Variants in NUBPL observed in about 807,000 individuals in gnomAD.
The protein encoded by NUBPL is iron-sulfur cluster transfer protein NUBPL.
A neutral mutation model predicts 45.7 loss-of-function variants in NUBPL; 31 were observed. The observed-to-expected ratio is 0.68, with a 90% CI of 0.51 to 0.92. NUBPL has a LOEUF of 0.92. Ranked by LOEUF, NUBPL falls within the 40% of genes least tolerant of loss-of-function variation. NUBPL has a pLI of 0.00. For synonymous variants in NUBPL, 144 were observed against 140.9 expected, an observed-to-expected ratio of 1.02 and a Z score of -0.15; for missense variants, 401 against 398.7, an observed-to-expected ratio of 1.01 and a Z score of -0.05.
At chr14:31,651,755 C>T (rs1396481451) in intron 4 of NUBPL, among the ~76,000 whole-genome samples, 2 of 151,758 alleles carry the variant, frequency 1.3e-5, no homozygotes, top group African/African-American at 4.8e-5. Context: ...AAAAATTAGC[C>T]AGGTGTGGTG....
intron 6 of NUBPL, among the ~76,000 whole-genome samples, chr14:31,711,173 C>T (rs560045451): frequency 8.5e-5 from 13 of 152,236 alleles, no homozygotes; most frequent in African/African-American, 4.8e-5. Flanking sequence ...ACTTGTTGTT[C>T]GGACCCCGGA....
chr14:31,768,135 A>T (rs1161157760), intron 6 of NUBPL, among the ~76,000 whole-genome samples: 2 of 152,142 alleles, frequency 1.3e-5, no homozygotes, highest in Non-Finnish European at 2.9e-5. Context: ...TATTTTGGAG[A>T]CCCATCTTTT....
chr14:31,855,913 G>A (rs147302739), intron 10 of NUBPL, among the ~76,000 whole-genome samples: 84 of 152,148 alleles, frequency 5.5e-4, no homozygotes, highest in East Asian at 3.9e-3. Flanking sequence ...CTGTAAAGTC[G>A]GGATAATGAT....
At chr14:31,649,178 A>T (rs2035936283) in intron 4 of NUBPL, among the ~76,000 whole-genome samples, 1 of 152,192 alleles carries the variant, frequency 6.6e-6, no homozygotes, top group Non-Finnish European at 1.5e-5. Context: ...GATGTAAAAT[A>T]ATTTGGTTAA....
intron 6 of NUBPL, among the ~76,000 whole-genome samples, chr14:31,766,535 T>C (rs1365410966): frequency 1.3e-5 from 2 of 152,198 alleles, no homozygotes; most frequent in Non-Finnish European, 2.9e-5. Flanking sequence ...ACCTGTCTTA[T>C]CTAAATGCTC....
chr14:31,830,642 T>G (rs927955142), intron 8 of NUBPL, among the ~76,000 whole-genome samples: 1 of 152,234 alleles, frequency 6.6e-6, no homozygotes, highest in African/African-American at 2.4e-5. Context: ...TTTAGTTTGG[T>G]TCTTATTCCA....
intron 8 of NUBPL, chr14:31,846,163 A>G (rs1413371411): frequency 2.0e-5 from 7 of 345,842 alleles, no homozygotes; most frequent in African/African-American, 8.6e-5. Context: ...CCTCCTCATC[A>G]CCCCACAACC....
At chr14:31,618,603 C>G (rs752948023) in intron 4 of NUBPL, among the ~76,000 whole-genome samples, 1 of 152,108 alleles carries the variant, frequency 6.6e-6, no homozygotes, top group Non-Finnish European at 1.5e-5. Flanking sequence ...GTTTCTTAAT[C>G]CTGAATTCTA....
chr14:31,743,721 C>G (rs909613147), intron 6 of NUBPL, among the ~76,000 whole-genome samples: 2 of 152,040 alleles, frequency 1.3e-5, no homozygotes, highest in East Asian at 3.9e-4. Context: ...CCTAGACTTT[C>G]CTGGATGAGG....
chr14:31,578,902 A>G (rs897991819), intron 3 of NUBPL, among the ~76,000 whole-genome samples: 3 of 152,222 alleles, frequency 2.0e-5, no homozygotes, highest in African/African-American at 7.2e-5. Context: ...TGATTTTATT[A>G]CTGTCAGGAC....
At chr14:31,642,726 G>A (rs574570300) in intron 4 of NUBPL, among the ~76,000 whole-genome samples, 140 of 152,156 alleles carry the variant, frequency 9.2e-4, no homozygotes, top group African/African-American at 3.3e-3. Context: ...TATGAAGAAT[G>A]TCATTGGTAT....
At chr14:31,814,577 T>C (rs985714368) in intron 7 of NUBPL, among the ~76,000 whole-genome samples, 8 of 152,158 alleles carry the variant, frequency 5.3e-5, no homozygotes, top group African/African-American at 1.7e-4. Flanking sequence ...TTTTTTGCCA[T>C]TGCTTTTGGT....
chr14:31,758,715 A>G (rs547063337), intron 6 of NUBPL, among the ~76,000 whole-genome samples: 14 of 152,328 alleles, frequency 9.2e-5, no homozygotes, highest in African/African-American at 3.1e-4. Context: ...CCATAAAATT[A>G]TAAGACCTAC....
chr14:31,776,708 TAA>T (rs1315574183), intron 6 of NUBPL, among the ~76,000 whole-genome samples: 1 of 152,216 alleles, frequency 6.6e-6, no homozygotes, highest in Non-Finnish European at 1.5e-5. Flanking sequence ...CTTTGTTACA[TAA>T]AAGTTTACCA....
At chr14:31,836,751 G>T (rs1263944855) in intron 8 of NUBPL, among the ~76,000 whole-genome samples, 1 of 152,084 alleles carries the variant, frequency 6.6e-6, no homozygotes, top group African/African-American at 2.4e-5. Context: ...TGAAAGAATT[G>T]TTTGCCACTG....
intron 7 of NUBPL, among the ~76,000 whole-genome samples, chr14:31,805,140 A>C (rs2039661328): frequency 6.6e-6 from 1 of 152,216 alleles, no homozygotes; most frequent in African/African-American, 2.4e-5. Flanking sequence ...GCATGCATGC[A>C]GCCAACAAGC....
intron 4 of NUBPL, among the ~76,000 whole-genome samples, chr14:31,634,287 G>A (rs1203905155): frequency 1.6e-5 from 2 of 128,002 alleles, no homozygotes; most frequent in Non-Finnish European, 1.5e-5. Context: ...CCCTTCCTGT[G>A]TCCATGTGTT....
chr14:31,705,046 T>C (rs1405673991), intron 6 of NUBPL, among the ~76,000 whole-genome samples: 4 of 151,968 alleles, frequency 2.6e-5, no homozygotes, highest in Non-Finnish European at 5.9e-5. Context: ...AGGCAGTGTG[T>C]CTGGAGCTGT....
chr14:31,759,100 C>T (rs2038740773), intron 6 of NUBPL, among the ~76,000 whole-genome samples: 1 of 152,098 alleles, frequency 6.6e-6, no homozygotes, highest in Non-Finnish European at 1.5e-5. Context: ...AAAAAGGTCT[C>T]CTAAGTCCAA....
Sources: allele counts gnomAD v4.1 joint callset (sites outside exome capture counted in the v4.1 genomes callset), GRCh38; gene constraint gnomAD v4.1.1; transcripts MANE v1.5; gene names NCBI Gene and HGNC (gene_info 2026-07-23, HGNC 2026-07-21).